The following FOXP1 variants were observed in gnomAD, a reference collection of about 807,000 sequenced individuals.
FOXP1 encodes forkhead box P1.
FOXP1 carries 15 observed loss-of-function variants against 98.2 expected under a neutral mutation model. The ratio of observed to expected loss-of-function variants is 0.15; its 90% CI spans 0.10 to 0.24. The LOEUF is 0.24. Among genes scored for constraint, FOXP1 ranks in the 10% least tolerant of loss-of-function variants. The pLI, the probability that FOXP1 is intolerant of heterozygous loss-of-function variation, is 1.00. For missense variants in FOXP1, 633 were observed against 848.5 expected (o/e 0.75, Z 3.15); for synonymous variants, 371 against 314.5 (o/e 1.18, Z -1.90).
chr3:71,460,076 G>A (rs1327270104), intron 3 of FOXP1, among the ~76,000 whole-genome samples: 1 of 151,722 alleles, frequency 6.6e-6, no homozygotes, highest in Non-Finnish European at 1.5e-5. Flanking sequence ...TGGGACTACA[G>A]GCGCCCACCA....
chr3:71,135,432 C>A (rs950963990), intron 6 of FOXP1, among the ~76,000 whole-genome samples: 1 of 152,036 alleles, frequency 6.6e-6, no homozygotes. Flanking sequence ...AGTAAACAGG[C>A]CCCTACCCCC....
intron 6 of FOXP1, among the ~76,000 whole-genome samples, chr3:71,120,915 T>G (rs1046849058): frequency 6.6e-6 from 1 of 152,220 alleles, no homozygotes; most frequent in African/African-American, 2.4e-5. Context: ...TTCTTTTACT[T>G]TAATGTTTAA....
intron 6 of FOXP1, among the ~76,000 whole-genome samples, chr3:71,176,828 G>A (rs752852365): frequency 1.3e-4 from 20 of 149,944 alleles, no homozygotes; most frequent in Non-Finnish European, 2.2e-4. Flanking sequence ...TTGGGAGGCT[G>A]ATGTGGGCAG....
At chr3:71,171,417 GAA>G (rs1270206793) in intron 6 of FOXP1, among the ~76,000 whole-genome samples, 3 of 152,170 alleles carry the variant, frequency 2.0e-5, no homozygotes, top group Non-Finnish European at 4.4e-5. Context: ...AACAATATCT[GAA>G]GAGAGCGTGC....
intron 5 of FOXP1, among the ~76,000 whole-genome samples, chr3:71,260,902 G>T (rs2107180628): frequency 6.6e-6 from 1 of 151,992 alleles, no homozygotes; most frequent in East Asian, 1.9e-4. Context: ...GCAAAAGCTG[G>T]ATTTTAAAAA....
At position 71,582,593 on chromosome 3, in the gene FOXP1, C is replaced by T. The variant is rs186723561; in HGVS notation, c.-446-896G>A. ...CAAATCGGAGCTTGGGAAATCTCCC[C>T]GTCCCCCAAGCTTCAGAGGGGGGTA... is the stretch of plus-strand genomic sequence containing the variant. On this transcript the variant is annotated intron_variant, in intron 1 of 20. Coordinates refer to ENST00000649528, the MANE Select transcript of FOXP1 (RefSeq NM_001349338.3). 549 of 985,444 alleles carry T rather than the reference C, an allele frequency of 5.6e-4. No homozygotes were observed. In the African/African-American group the frequency reaches 8.9e-3, roughly 16 times the overall value. 61.0% of individuals were successfully genotyped at this position (985,444 alleles called of 1,614,324 possible).
chr3:71,401,291 T>G (rs1210029122), intron 3 of FOXP1, among the ~76,000 whole-genome samples: 1 of 152,180 alleles, frequency 6.6e-6, no homozygotes, highest in African/African-American at 2.4e-5. Context: ...TATTTGGAAC[T>G]TACATTCTCA....
intron 9 of FOXP1, among the ~76,000 whole-genome samples, chr3:71,050,966 C>G (rs777382182): frequency 1.1e-4 from 16 of 152,074 alleles, no homozygotes; most frequent in Non-Finnish European, 1.9e-4. Flanking sequence ...CTGAAATTCC[C>G]TTCTTGTCTT....
In FOXP1 at chr3:71,515,449, A is replaced by AAAAAC. The variant is rs1553906398; in HGVS notation, c.-297-21899_-297-21895dup. Among the ~76,000 whole-genome samples, 24 of 140,578 alleles carry AAAAAC rather than the reference A, an allele frequency of 1.7e-4. 1 individual carries two copies. Among genetic ancestry groups the AAAAAC allele is most frequent in the South Asian group, 2.2e-4 (1 of 4,608 alleles). The allele number at this position is 140,578 out of a possible 152,430, so 92.2% of individuals were successfully genotyped here. Reference sequence around the variant, plus strand: ...TTTACACAGCAAAAAAAAAAAAAAAAAAAACTGCACATTTATACAGCTGAG... The same window carrying AAAAAC: ...TTTACACAGCAAAAAAAAAAAAAAAAAAAACAAAACTGCACATTTATACAGCTGAG... On this transcript the variant is annotated intron_variant, in intron 2 of 20. Coordinates refer to ENST00000649528, the MANE Select transcript of FOXP1 (RefSeq NM_001349338.3).
intron 6 of FOXP1, among the ~76,000 whole-genome samples, chr3:71,183,221 T>G (rs914847047): frequency 1.3e-5 from 2 of 152,106 alleles, no homozygotes; most frequent in Non-Finnish European, 2.9e-5. Context: ...TGGCCATGCA[T>G]GGAGGCTCAT....
At chr3:71,046,919 C>T (rs1185875971) in intron 10 of FOXP1, 23 bp downstream of exon 10, 1 of 1,613,378 alleles carries the variant, frequency 6.2e-7, no homozygotes, top group South Asian at 1.1e-5. Flanking sequence ...CAGAGCTATG[C>T]CTTCTGTAAA....
chr3:71,357,644 T>C (rs2078255370), intron 4 of FOXP1, among the ~76,000 whole-genome samples: 1 of 152,292 alleles, frequency 6.6e-6, no homozygotes, highest in South Asian at 2.1e-4. Flanking sequence ...TAAGCAGGCA[T>C]CATTGGATAA....
chr3:71,454,677 A>T (rs1234872400), intron 3 of FOXP1, among the ~76,000 whole-genome samples: 1 of 152,102 alleles, frequency 6.6e-6, no homozygotes, highest in Non-Finnish European at 1.5e-5. Context: ...CTCTAGAAGA[A>T]CTATGATGCA....
At chr3:71,509,962 T>C (rs1358994774) in intron 2 of FOXP1, among the ~76,000 whole-genome samples, 2 of 152,106 alleles carry the variant, frequency 1.3e-5, no homozygotes, top group Non-Finnish European at 2.9e-5. Context: ...GCAGATCACC[T>C]GAGGTCAGGA....
chr3:71,500,933 G>C (rs1458966152), intron 2 of FOXP1, among the ~76,000 whole-genome samples: 1 of 152,134 alleles, frequency 6.6e-6, no homozygotes, highest in African/African-American at 2.4e-5. Flanking sequence ...GGCTCACATC[G>C]TTAATTTCAG....
intron 2 of FOXP1, among the ~76,000 whole-genome samples, chr3:71,500,250 G>A (rs374260914): frequency 2.6e-5 from 4 of 152,208 alleles, no homozygotes; most frequent in Admixed American, 1.3e-4. Flanking sequence ...GGGGAATTAC[G>A]TAATTACTTT....
chr3:71,214,472 G>T (rs1309616536), intron 5 of FOXP1, among the ~76,000 whole-genome samples: 1 of 152,170 alleles, frequency 6.6e-6, no homozygotes, highest in East Asian at 1.9e-4. Context: ...GATAATGCCA[G>T]ATTCTCAACA....
rs2031907115 is a variant in FOXP1 at position 70,956,738 on chromosome 3, T to TTTTTG, written c.*2508_*2509insCAAAA. The TTTTTG allele has an allele frequency of 1.4e-5, 2 of 141,718 alleles. No homozygotes were observed. The highest frequency in any genetic ancestry group is 1.1e-4 in the African/African-American group (2 of 18,622). The allele number at this position is 141,718 out of a possible 1,614,324, so 8.8% of individuals were successfully genotyped here. On this transcript the variant is annotated 3_prime_UTR_variant, in exon 21 of 21. Coordinates refer to ENST00000649528, the MANE Select transcript of FOXP1 (RefSeq NM_001349338.3). ...CATGAAGCTGCCTGGAAAAGTTTTT[T>TTTTTG]TTTTTTTTTTTTTTTTTTTTTTTTT...
chr3:71,573,064 C>A (rs1370357116), intron 2 of FOXP1, among the ~76,000 whole-genome samples: 1 of 152,106 alleles, frequency 6.6e-6, no homozygotes, highest in East Asian at 1.9e-4. Context: ...TTCAAAAGTT[C>A]TTAGGATTAC....
Sources: gnomAD v4.1 joint callset for allele counts (sites outside exome capture counted in the v4.1 genomes callset) on GRCh38, gnomAD v4.1.1 for gene constraint, MANE v1.5 for transcripts, NCBI Gene and HGNC (gene_info 2026-07-23, HGNC 2026-07-21) for gene names.